Variants in KIF6 observed in about 807,000 individuals in gnomAD.
KIF6 encodes the protein kinesin-like protein KIF6.
KIF6 carries 106 observed loss-of-function variants against 112.7 expected under a neutral mutation model. The ratio of observed to expected loss-of-function variants is 0.94; its 90% CI spans 0.80 to 1.11. The LOEUF (loss-of-function observed/expected upper bound fraction) is 1.11, where lower values mean the gene tolerates loss of function less well. Among genes scored for constraint, KIF6 ranks in the 50% least tolerant of loss-of-function variants. KIF6 has a pLI of 0.00. For missense variants in KIF6, 929 were observed against 964.0 expected (o/e 0.96, Z 0.48); for synonymous variants, 339 against 339.9 (o/e 1.00, Z 0.03).
chr6:39,516,633 G>A (rs1249130231), intron 13 of KIF6, among the ~76,000 whole-genome samples: 1 of 151,974 alleles, frequency 6.6e-6, no homozygotes, highest in East Asian at 1.9e-4. Context: ...AGTGTTACTT[G>A]TAAAGTTTTA....
At chr6:39,679,127 T>C (rs1461092544) in intron 3 of KIF6, among the ~76,000 whole-genome samples, 3 of 152,246 alleles carry the variant, frequency 2.0e-5, no homozygotes, top group African/African-American at 7.2e-5. Context: ...TCAATTTGTA[T>C]ACACAATTAG....
chr6:39,390,239 C>T (rs771260249), intron 15 of KIF6, among the ~76,000 whole-genome samples: 3 of 152,122 alleles, frequency 2.0e-5, no homozygotes, highest in South Asian at 2.1e-4. Context: ...CAAGGGATAA[C>T]GCACCAGCAT....
chr6:39,709,269 C>A (rs1320363406), intron 3 of KIF6, among the ~76,000 whole-genome samples: 1 of 152,214 alleles, frequency 6.6e-6, no homozygotes, highest in Non-Finnish European at 1.5e-5. Flanking sequence ...TTGTGGAAGA[C>A]AATTTTTCCA....
At chr6:39,365,784 C>T (rs371008132) in intron 16 of KIF6, among the ~76,000 whole-genome samples, 28 of 152,314 alleles carry the variant, frequency 1.8e-4, no homozygotes, top group Middle Eastern at 3.4e-3. Context: ...ACTGGCTAGA[C>T]GTCCTGCTGC....
At chr6:39,693,106 G>T (rs1413055598) in intron 3 of KIF6, among the ~76,000 whole-genome samples, 1 of 152,200 alleles carries the variant, frequency 6.6e-6, no homozygotes, top group African/African-American at 2.4e-5. Context: ...ATATGCCCCT[G>T]GGAGGTTGGT....
At chr6:39,565,824 A>G (rs1780246931) in intron 10 of KIF6, among the ~76,000 whole-genome samples, 3 of 152,252 alleles carry the variant, frequency 2.0e-5, no homozygotes, top group Admixed American at 2.0e-4. Context: ...GAAATGCTAA[A>G]TTCAGAAAAT....
At chr6:39,346,111 CT>C in intron 20 of KIF6, among the ~76,000 whole-genome samples, 1 of 57,006 alleles carries the variant, frequency 1.8e-5, no homozygotes, top group African/African-American at 1.1e-4. Flanking sequence ...CCCCCCCTCC[CT>C]CTCCCTCTCC....
chr6:39,392,696 G>A (rs1473308240), intron 15 of KIF6, among the ~76,000 whole-genome samples: 1 of 152,172 alleles, frequency 6.6e-6, no homozygotes, highest in Non-Finnish European at 1.5e-5. Context: ...TGAATTGGAA[G>A]ACAGTTGGAA....
intron 22 of KIF6, among the ~76,000 whole-genome samples, chr6:39,337,231 C>CTTTCTT (rs1763070884): frequency 1.0e-5 from 1 of 95,714 alleles, no homozygotes; most frequent in African/African-American, 6.5e-5. Context: ...TTCTTTCTTT[C>CTTTCTT]TTTCTTTTTC....
At chr6:39,615,321 A>G (rs1157796483) in intron 5 of KIF6, among the ~76,000 whole-genome samples, 2 of 152,194 alleles carry the variant, frequency 1.3e-5, no homozygotes, top group Non-Finnish European at 2.9e-5. Flanking sequence ...CAGATACAAT[A>G]CTATTCTTGT....
intron 12 of KIF6, among the ~76,000 whole-genome samples, chr6:39,540,687 G>T (rs1017160680): frequency 6.6e-6 from 1 of 152,256 alleles, no homozygotes; most frequent in African/African-American, 2.4e-5. Context: ...TGGCAGATCA[G>T]CCGTCTTCAT....
At chr6:39,361,905 G>A (rs796072092) in intron 17 of KIF6, among the ~76,000 whole-genome samples, 1 of 152,200 alleles carries the variant, frequency 6.6e-6, no homozygotes. Context: ...GCCTACCCAT[G>A]GCATGGAGGA....
At chr6:39,639,161 T>C (rs879493060) in intron 4 of KIF6, among the ~76,000 whole-genome samples, 4 of 152,104 alleles carry the variant, frequency 2.6e-5, no homozygotes, top group Admixed American at 2.6e-4. Flanking sequence ...TTTACAATGG[T>C]AATAATTACA....
chr6:39,580,703 T>A (rs1781238829), intron 9 of KIF6, among the ~76,000 whole-genome samples: 1 of 152,172 alleles, frequency 6.6e-6, no homozygotes, highest in Admixed American at 6.5e-5. Context: ...TATTTTAGTA[T>A]AAACCATCTC....
intron 13 of KIF6, among the ~76,000 whole-genome samples, chr6:39,526,278 C>G (rs989401672): frequency 5.3e-5 from 8 of 152,210 alleles, no homozygotes; most frequent in Non-Finnish European, 2.9e-5. Flanking sequence ...TTTGAATCCT[C>G]TACAAACTTA....
chr6:39,705,025 C>T (rs1789114975), intron 3 of KIF6, among the ~76,000 whole-genome samples: 1 of 152,184 alleles, frequency 6.6e-6, no homozygotes, highest in African/African-American at 2.4e-5. Context: ...AAATTATAAA[C>T]AAACAAATAC....
chr6:39,630,872 T>A (rs1784317126), intron 5 of KIF6, among the ~76,000 whole-genome samples: 1 of 152,048 alleles, frequency 6.6e-6, no homozygotes, highest in Admixed American at 6.6e-5. Flanking sequence ...TGAGAGTATT[T>A]ATCATGAGAA....
At chr6:39,492,435 T>A (rs1462420094) in intron 13 of KIF6, among the ~76,000 whole-genome samples, 4 of 152,220 alleles carry the variant, frequency 2.6e-5, no homozygotes, top group African/African-American at 9.6e-5. Context: ...AATTAGGAAG[T>A]AAGCTGAGAA....
At chr6:39,452,066 T>C (rs868840043) in intron 13 of KIF6, among the ~76,000 whole-genome samples, 4 of 152,216 alleles carry the variant, frequency 2.6e-5, no homozygotes, top group Non-Finnish European at 5.9e-5. Flanking sequence ...ATAGGGCTAA[T>C]GTCTACTTCA....
Sources: gnomAD v4.1 joint callset for allele counts (sites outside exome capture counted in the v4.1 genomes callset) on GRCh38, gnomAD v4.1.1 for gene constraint, MANE v1.5 for transcripts, NCBI Gene and HGNC (gene_info 2026-07-23, HGNC 2026-07-21) for gene names.